NCAM2: variants seen among roughly 807,000 people sequenced by gnomAD.
NCAM2 encodes the protein N-CAM-2.
NCAM2 carries 30 observed loss-of-function variants against 98.1 expected under a neutral mutation model. The ratio of observed to expected loss-of-function variants is 0.31; its 90% CI spans 0.23 to 0.41. NCAM2 has a LOEUF of 0.41. Among genes scored for constraint, NCAM2 ranks in the 10% least tolerant of loss-of-function variants. The probability of loss-of-function intolerance (pLI) is 1.00; values close to 1 mark genes in which losing one functional copy is unlikely to be tolerated. For synonymous variants in NCAM2, 368 were observed against 342.4 expected, an observed-to-expected ratio of 1.07 and a Z score of -0.83; for missense variants, 867 against 1,005.8, an observed-to-expected ratio of 0.86 and a Z score of 1.87.
At chr21:21,291,838 A>G (rs1266220782) in intron 4 of NCAM2, among the ~76,000 whole-genome samples, 2 of 151,830 alleles carry the variant, frequency 1.3e-5, no homozygotes, top group Non-Finnish European at 2.9e-5. Flanking sequence ...AGGGGAAATA[A>G]TAGCCTAACC....
intron 5 of NCAM2, among the ~76,000 whole-genome samples, chr21:21,320,694 C>T (rs1310180019): frequency 6.6e-6 from 1 of 152,086 alleles, no homozygotes; most frequent in Non-Finnish European, 1.5e-5. Flanking sequence ...ATTGAGATGT[C>T]TTATTGTATA....
chr21:21,127,996 G>A (rs1470724231), intron 1 of NCAM2, among the ~76,000 whole-genome samples: 2 of 152,004 alleles, frequency 1.3e-5, no homozygotes, highest in Non-Finnish European at 2.9e-5. Flanking sequence ...TGTCACACTT[G>A]CCACCCATTG....
At chr21:21,285,289 G>T (rs1168516326) in intron 3 of NCAM2, among the ~76,000 whole-genome samples, 1 of 151,636 alleles carries the variant, frequency 6.6e-6, no homozygotes, top group African/African-American at 2.4e-5. Context: ...TTTGTGTTTT[G>T]TTTGTTATTC....
intron 13 of NCAM2, 136 bp downstream of exon 13, chr21:21,466,861 A>T (rs1283777609): frequency 9.6e-6 from 9 of 933,402 alleles, no homozygotes; most frequent in Non-Finnish European, 1.4e-5. Context: ...GTTTCTGAAG[A>T]CAGTGACATC....
At chr21:21,220,621 T>A (rs929128809) in intron 1 of NCAM2, among the ~76,000 whole-genome samples, 2 of 152,158 alleles carry the variant, frequency 1.3e-5, no homozygotes, top group African/African-American at 4.8e-5. Flanking sequence ...TCCTCTTATT[T>A]CATCCCTTTC....
At chr21:21,210,418 A>T (rs969284381) in intron 1 of NCAM2, 35 of 718,732 alleles carry the variant, frequency 4.9e-5, no homozygotes, top group Non-Finnish European at 5.7e-5. Context: ...TTTTCAAAAT[A>T]CTGAGATATT....
At chr21:21,311,180 CT>C (rs1344923009) in intron 5 of NCAM2, among the ~76,000 whole-genome samples, 1 of 152,196 alleles carries the variant, frequency 6.6e-6, no homozygotes, top group East Asian at 1.9e-4. Flanking sequence ...AAGAATTTTA[CT>C]TTTTTTCTAT....
intron 6 of NCAM2, among the ~76,000 whole-genome samples, chr21:21,332,803 C>T (rs868692703): frequency 9.2e-5 from 14 of 152,128 alleles, no homozygotes; most frequent in Admixed American, 2.6e-4. Flanking sequence ...AGGCAGTCAG[C>T]GATGGAGGTA....
chr21:21,330,908 T>A (rs1389916036), intron 6 of NCAM2, among the ~76,000 whole-genome samples: 1 of 152,172 alleles, frequency 6.6e-6, no homozygotes, highest in Non-Finnish European at 1.5e-5. Flanking sequence ...TACTAATATT[T>A]TCTACTGTAA....
intron 1 of NCAM2, among the ~76,000 whole-genome samples, chr21:21,035,771 C>T (rs2064784972): frequency 1.3e-5 from 2 of 152,194 alleles, no homozygotes; most frequent in South Asian, 4.2e-4. Context: ...TGCTTGAACA[C>T]ACACTTTAGG....
At chr21:21,088,223 C>T (rs941819704) in intron 1 of NCAM2, among the ~76,000 whole-genome samples, 2 of 152,086 alleles carry the variant, frequency 1.3e-5, no homozygotes, top group Admixed American at 6.5e-5. Flanking sequence ...CACTTTAGGG[C>T]GAGCATCATA....
intron 1 of NCAM2, among the ~76,000 whole-genome samples, chr21:21,112,731 A>C (rs1446602397): frequency 1.3e-5 from 2 of 152,210 alleles, no homozygotes; most frequent in Non-Finnish European, 1.5e-5. Flanking sequence ...AGAACAGTGC[A>C]GATCATAAAG....
chr21:21,221,541 G>A (rs1175390146), intron 1 of NCAM2, among the ~76,000 whole-genome samples: 4 of 152,164 alleles, frequency 2.6e-5, no homozygotes, highest in African/African-American at 7.2e-5. Context: ...TACAGAGAAA[G>A]CTTTATTAGT....
intron 1 of NCAM2, among the ~76,000 whole-genome samples, chr21:21,200,577 C>T (rs1312527868): frequency 6.6e-6 from 1 of 151,812 alleles, no homozygotes; most frequent in Non-Finnish European, 1.5e-5. Flanking sequence ...CACTGTGAAA[C>T]ATAAAAACAT....
At chr21:21,175,625 T>G (rs778066957) in intron 1 of NCAM2, among the ~76,000 whole-genome samples, 1 of 152,176 alleles carries the variant, frequency 6.6e-6, no homozygotes, top group Admixed American at 6.5e-5. Context: ...TTGGAATTAG[T>G]GAGGAGGGCA....
intron 1 of NCAM2, among the ~76,000 whole-genome samples, chr21:21,174,064 C>T (rs559527270): frequency 3.3e-5 from 5 of 152,234 alleles, no homozygotes; most frequent in African/African-American, 7.2e-5. Flanking sequence ...GCTGTGATTA[C>T]GAGCGTGCGC....
intron 1 of NCAM2, among the ~76,000 whole-genome samples, chr21:21,145,655 C>G (rs1050477624): frequency 1.3e-5 from 2 of 151,904 alleles, no homozygotes; most frequent in Non-Finnish European, 2.9e-5. Flanking sequence ...AGGATTATTG[C>G]AAAAGGAAGC....
intron 1 of NCAM2, among the ~76,000 whole-genome samples, chr21:21,171,739 C>A (rs1367433090): frequency 6.6e-6 from 1 of 152,038 alleles, no homozygotes; most frequent in Non-Finnish European, 1.5e-5. Flanking sequence ...TTTTCTGTAG[C>A]TAAAAGGTAG....
intron 1 of NCAM2, among the ~76,000 whole-genome samples, chr21:21,182,045 CAAAT>C (rs2068494461): frequency 7.3e-6 from 1 of 137,914 alleles, no homozygotes; most frequent in Non-Finnish European, 1.6e-5. Flanking sequence ...AAAAAAAAAA[CAAAT>C]AAAAATATTG....
Sources: allele counts gnomAD v4.1 joint callset (sites outside exome capture counted in the v4.1 genomes callset), GRCh38; gene constraint gnomAD v4.1.1; transcripts MANE v1.5; gene names NCBI Gene and HGNC (gene_info 2026-07-23, HGNC 2026-07-21).